The following INPP4B variants were observed in gnomAD, a reference collection of about 807,000 sequenced individuals.
The protein encoded by INPP4B is inositol polyphosphate-4-phosphatase type II B, also known as inositol polyphosphate 4-phosphatase type II.
A neutral mutation model predicts 122.5 loss-of-function variants in INPP4B; 55 were observed. The observed-to-expected ratio is 0.45, with a 90% CI of 0.36 to 0.56. The LOEUF is 0.56. INPP4B is among the 20% of genes least tolerant of loss of function. INPP4B has a pLI of 0.00. For missense variants in INPP4B, 1,000 were observed against 1,097.7 expected (o/e 0.91, Z 1.26); for synonymous variants, 403 against 388.7 (o/e 1.04, Z -0.43).
At chr4:142,158,079 A>G (rs936236341) in intron 17 of INPP4B, among the ~76,000 whole-genome samples, 5 of 152,088 alleles carry the variant, frequency 3.3e-5, no homozygotes, top group African/African-American at 9.7e-5. Context: ...AGCCTTTGGA[A>G]TATAACATGC....
At chr4:142,208,187 T>C (rs1843338422) in intron 14 of INPP4B, among the ~76,000 whole-genome samples, 1 of 152,138 alleles carries the variant, frequency 6.6e-6, no homozygotes, top group South Asian at 2.1e-4. Context: ...TATTACTCAG[T>C]TTGCATTTTC....
intron 3 of INPP4B, among the ~76,000 whole-genome samples, chr4:142,449,049 C>G: frequency 6.6e-6 from 1 of 152,152 alleles, no homozygotes. Context: ...CAATTGAATT[C>G]TCCAGGATGT....
intron 25 of INPP4B, among the ~76,000 whole-genome samples, chr4:142,063,036 A>C (rs1427323648): frequency 6.6e-6 from 1 of 152,246 alleles, no homozygotes; most frequent in Non-Finnish European, 1.5e-5. Context: ...TGGAGACATA[A>C]AGCTATACAA....
chr4:142,742,237 A>C (rs1768005955), intron 1 of INPP4B, among the ~76,000 whole-genome samples: 7 of 151,956 alleles, frequency 4.6e-5, no homozygotes, highest in Admixed American at 4.6e-4. Flanking sequence ...TGACTTATAA[A>C]AGGATACCAA....
intron 2 of INPP4B, among the ~76,000 whole-genome samples, chr4:142,549,402 T>C (rs1324112599): frequency 6.6e-6 from 1 of 151,884 alleles, no homozygotes; most frequent in Non-Finnish European, 1.5e-5. Flanking sequence ...CCAGAGAAGA[T>C]TTAGGAGAGT....
At chr4:142,169,094 A>G (rs1352122019) in intron 16 of INPP4B, among the ~76,000 whole-genome samples, 2 of 151,552 alleles carry the variant, frequency 1.3e-5, no homozygotes, top group Non-Finnish European at 3.0e-5. Flanking sequence ...CATAAATTTT[A>G]TATATAGTCT....
At chr4:142,171,870 A>T (rs1825789858) in intron 16 of INPP4B, among the ~76,000 whole-genome samples, 1 of 151,832 alleles carries the variant, frequency 6.6e-6, no homozygotes, top group Admixed American at 6.6e-5. Flanking sequence ...CAAGTTGTAA[A>T]TGATGTATGA....
At chr4:142,404,872 C>T (rs1802825995) in intron 6 of INPP4B, among the ~76,000 whole-genome samples, 1 of 151,060 alleles carries the variant, frequency 6.6e-6, no homozygotes, top group South Asian at 2.1e-4. Context: ...TTATTCTATG[C>T]TCTATATGAG....
At chr4:142,816,636 C>A (rs549251109) in intron 1 of INPP4B, among the ~76,000 whole-genome samples, 8 of 152,026 alleles carry the variant, frequency 5.3e-5, no homozygotes, top group African/African-American at 1.9e-4. Flanking sequence ...AAAAATATAC[C>A]TATACCTACA....
Position 142,739,302 on chromosome 4 carries a change from G to A in INPP4B, c.-253-13401C>T, listed in dbSNP as rs1305694723. 2.0e-5 allele frequency among the ~76,000 whole-genome samples: 3 copies of A among 152,038 alleles called. No homozygotes were observed. The East Asian group carries it at 5.8e-4, about 29-fold the overall frequency. On this transcript the variant is annotated intron_variant, in intron 1 of 25. Transcript: ENST00000262992. ...ACTTTATCTTTTTGCATTGGTTCTT[G>A]AATGATATTCCATTATATGAGCTAA...
chr4:142,803,991 G>A (rs1482486811), intron 1 of INPP4B, among the ~76,000 whole-genome samples: 1 of 151,602 alleles, frequency 6.6e-6, no homozygotes, highest in South Asian at 2.1e-4. Flanking sequence ...CCCGGGAGGT[G>A]GAGGTTGCAG....
chr4:142,269,122 T>G (rs79681189), intron 10 of INPP4B, among the ~76,000 whole-genome samples: 5,875 of 152,250 alleles, frequency 0.039, 367 homozygotes, highest in African/African-American at 0.13. Flanking sequence ...CTGCCCACCC[T>G]GAGCCAAACA....
rs192188951 is a variant in INPP4B at position 142,177,823 on chromosome 4, C to T, written c.1182-4014G>A. Among the ~76,000 whole-genome samples the T allele has an allele frequency of 5.5e-3, 836 of 152,184 alleles. 2 individuals carry two copies. Among genetic ancestry groups the T allele is most frequent in the South Asian group, 8.3e-3 (40 of 4,814 alleles). On this transcript the variant is annotated intron_variant, in intron 15 of 25. Coordinates refer to ENST00000262992, the MANE Select transcript of INPP4B (RefSeq NM_001101669.3). ...CATTCACATTCATAAGCTCTAATTG[C>T]TAACCAAAATACAATTAAAACAAGG...
intron 12 of INPP4B, among the ~76,000 whole-genome samples, chr4:142,213,009 G>A (rs1845553911): frequency 6.6e-6 from 1 of 152,184 alleles, no homozygotes; most frequent in African/African-American, 2.4e-5. Context: ...GCCTATGGCT[G>A]TTGTGTGCTG....
chr4:142,367,478 T>C (rs1787992757), intron 7 of INPP4B, among the ~76,000 whole-genome samples: 1 of 152,090 alleles, frequency 6.6e-6, no homozygotes, highest in Non-Finnish European at 1.5e-5. Flanking sequence ...TACTTCTTTA[T>C]TAATATGTTT....
chr4:142,174,650 G>A (rs1465265807), intron 15 of INPP4B, among the ~76,000 whole-genome samples: 2 of 151,780 alleles, frequency 1.3e-5, no homozygotes, highest in East Asian at 3.9e-4. Context: ...TAAGAGACAG[G>A]ATCTCACTCT....
intron 9 of INPP4B, among the ~76,000 whole-genome samples, chr4:142,296,772 G>A (rs578162521): frequency 3.3e-5 from 5 of 152,224 alleles, no homozygotes; most frequent in African/African-American, 1.2e-4. Flanking sequence ...TCTCACATTT[G>A]CATGCTTTGC....
chr4:142,822,368 C>G (rs1197165973), intron 1 of INPP4B, among the ~76,000 whole-genome samples: 1 of 152,144 alleles, frequency 6.6e-6, no homozygotes, highest in Non-Finnish European at 1.5e-5. Flanking sequence ...GTTCCCAGCC[C>G]CTGGGCTATG....
At chr4:142,145,744 A>G (rs1273400823) in intron 18 of INPP4B, 96 bp downstream of exon 18, 1 of 1,208,262 alleles carries the variant, frequency 8.3e-7, no homozygotes, top group African/African-American at 1.5e-5. Context: ...CTCATCAAAG[A>G]TACTATTGAC....
Sources: allele counts gnomAD v4.1 joint callset (sites outside exome capture counted in the v4.1 genomes callset), GRCh38; gene constraint gnomAD v4.1.1; transcripts MANE v1.5; gene names NCBI Gene and HGNC (gene_info 2026-07-23, HGNC 2026-07-21).